Variants in CPQ observed in about 807,000 individuals in gnomAD.
The protein encoded by CPQ is Ser-Met dipeptidase.
In CPQ, 37 loss-of-function variants were observed where a neutral mutation model predicts 45.7. The ratio of observed to expected loss-of-function variants is 0.81; its 90% CI spans 0.62 to 1.07. The LOEUF (loss-of-function observed/expected upper bound fraction) is 1.07, where lower values mean the gene tolerates loss of function less well. CPQ is among the 50% of genes least tolerant of loss of function. The probability of loss-of-function intolerance (pLI) is 0.00; values close to 1 mark genes in which losing one functional copy is unlikely to be tolerated. For missense variants in CPQ, 537 were observed against 572.9 expected (o/e 0.94, Z 0.64); for synonymous variants, 186 against 205.8 (o/e 0.90, Z 0.82).
At chr8:97,120,746 A>G (rs1195858443) in intron 7 of CPQ, among the ~76,000 whole-genome samples, 1 of 152,204 alleles carries the variant, frequency 6.6e-6, no homozygotes, top group Admixed American at 6.5e-5. Flanking sequence ...GACAGGACAA[A>G]AGATTCTTTA....
chr8:96,840,511 A>T (rs549035939), intron 3 of CPQ, among the ~76,000 whole-genome samples: 51 of 152,310 alleles, frequency 3.3e-4, no homozygotes, highest in Middle Eastern at 3.4e-3. Flanking sequence ...CCGTTGTATC[A>T]GAAAAGCTAA....
At chr8:97,065,197 A>T (rs552678267) in intron 6 of CPQ, among the ~76,000 whole-genome samples, 3 of 148,094 alleles carry the variant, frequency 2.0e-5, no homozygotes, top group African/African-American at 8.0e-5. Context: ...TGAGCTGGCC[A>T]GTTTGAAGGA....
chr8:97,118,694 G>A (rs1563585405), intron 7 of CPQ, among the ~76,000 whole-genome samples: 1 of 152,102 alleles, frequency 6.6e-6, no homozygotes, highest in Admixed American at 6.6e-5. Context: ...TAGTACAAGG[G>A]TTGGCAAACT....
chr8:96,952,509 CA>C (rs1210047919), intron 4 of CPQ, among the ~76,000 whole-genome samples: 1 of 151,802 alleles, frequency 6.6e-6, no homozygotes, highest in Admixed American at 6.6e-5. Flanking sequence ...ATATAACATA[CA>C]AAAAAATGTA....
intron 1 of CPQ, among the ~76,000 whole-genome samples, chr8:96,655,451 A>G (rs901294658): frequency 2.6e-5 from 4 of 151,856 alleles, no homozygotes; most frequent in South Asian, 2.1e-4. Context: ...CATTTTGTGT[A>G]TTGTTTCTCA....
At chr8:96,817,163 G>A (rs187629569) in intron 2 of CPQ, among the ~76,000 whole-genome samples, 6 of 152,236 alleles carry the variant, frequency 3.9e-5, no homozygotes, top group African/African-American at 7.2e-5. Context: ...GTTGTTCAGC[G>A]TAGTGACATA....
chr8:97,062,131 A>G (rs1810561053), intron 6 of CPQ, among the ~76,000 whole-genome samples: 1 of 150,668 alleles, frequency 6.6e-6, no homozygotes, highest in Non-Finnish European at 1.5e-5. Context: ...GTAGTTAAAG[A>G]GGACCAGGAA....
intron 3 of CPQ, among the ~76,000 whole-genome samples, chr8:96,852,087 G>T (rs1586426280): frequency 6.6e-6 from 1 of 151,808 alleles, no homozygotes; most frequent in African/African-American, 2.4e-5. Flanking sequence ...TTATTTTTTT[G>T]CCCATATTGG....
chr8:97,122,977 A>T (rs12547445), intron 7 of CPQ, among the ~76,000 whole-genome samples: 10,736 of 52,114 alleles, frequency 0.21, 2,428 homozygotes, highest in Non-Finnish European at 0.27. Flanking sequence ...AAAATAAAAT[A>T]AAATTAAAAT....
chr8:97,009,842 A>T (rs1809452560), intron 5 of CPQ, among the ~76,000 whole-genome samples: 1 of 152,204 alleles, frequency 6.6e-6, no homozygotes, highest in Non-Finnish European at 1.5e-5. Flanking sequence ...TCATGGCCTC[A>T]GCTTACAGTG....
intron 1 of CPQ, among the ~76,000 whole-genome samples, chr8:96,659,760 CT>C (rs1282898510): frequency 1.3e-5 from 2 of 152,190 alleles, no homozygotes; most frequent in Non-Finnish European, 2.9e-5. Context: ...GGAGATTGCC[CT>C]TAACTCTCCA....
intron 5 of CPQ, among the ~76,000 whole-genome samples, chr8:96,968,735 A>G (rs1813613364): frequency 6.6e-6 from 1 of 152,176 alleles, no homozygotes; most frequent in Non-Finnish European, 1.5e-5. Flanking sequence ...TTTTTCTAAG[A>G]TTCATCCTTC....
intron 4 of CPQ, among the ~76,000 whole-genome samples, chr8:96,881,037 C>T (rs1812217297): frequency 6.6e-6 from 1 of 152,058 alleles, no homozygotes; most frequent in Non-Finnish European, 1.5e-5. Flanking sequence ...TATTTGTCCA[C>T]GTGTTGTATT....
At chr8:97,016,961 C>CTT (rs5893405) in intron 5 of CPQ, among the ~76,000 whole-genome samples, 2,718 of 152,244 alleles carry the variant, frequency 0.018, 89 homozygotes, top group African/African-American at 0.061. Flanking sequence ...GCATTGTGAA[C>CTT]TTTTACTCAA....
chr8:96,942,770 C>T (rs73279862), intron 4 of CPQ, among the ~76,000 whole-genome samples: 4,143 of 152,182 alleles, frequency 0.027, 199 homozygotes, highest in African/African-American at 0.093. Context: ...AGATCTGGGG[C>T]GGGACCCAGG....
At chr8:96,774,698 A>C (rs1810585506) in intron 1 of CPQ, among the ~76,000 whole-genome samples, 1 of 152,168 alleles carries the variant, frequency 6.6e-6, no homozygotes, top group South Asian at 2.1e-4. Flanking sequence ...AGGGAGAGCA[A>C]GTTTGGAAAG....
chr8:96,766,255 C>G (rs1810466202), intron 1 of CPQ, among the ~76,000 whole-genome samples: 1 of 152,160 alleles, frequency 6.6e-6, no homozygotes, highest in Non-Finnish European at 1.5e-5. Flanking sequence ...TTCCTCCCCT[C>G]CTACCTCCAT....
intron 7 of CPQ, among the ~76,000 whole-genome samples, chr8:97,126,632 T>G (rs1333802329): frequency 2.0e-5 from 3 of 152,068 alleles, no homozygotes; most frequent in Non-Finnish European, 1.5e-5. Context: ...AAATAATATT[T>G]TAAAAAATAA....
chr8:96,907,912 G>A (rs1409243389), intron 4 of CPQ, among the ~76,000 whole-genome samples: 1 of 152,102 alleles, frequency 6.6e-6, no homozygotes, highest in Non-Finnish European at 1.5e-5. Context: ...TGATGGTTGT[G>A]ACATAATGAA....
Sources: allele counts gnomAD v4.1 joint callset (sites outside exome capture counted in the v4.1 genomes callset), GRCh38; gene constraint gnomAD v4.1.1; transcripts MANE v1.5; gene names NCBI Gene and HGNC (gene_info 2026-07-23, HGNC 2026-07-21).